The following NSD3 variants were observed in gnomAD, a reference collection of about 807,000 sequenced individuals.
NSD3 encodes histone-lysine N-methyltransferase NSD3.
A neutral mutation model predicts 160.8 loss-of-function variants in NSD3; 24 were observed. That is an observed-to-expected ratio of 0.15 (90% CI 0.11 to 0.21). The LOEUF is 0.21. Ranked by LOEUF, NSD3 falls within the 10% of genes least tolerant of loss-of-function variation. The pLI is 1.00. For synonymous variants in NSD3, 520 were observed against 600.0 expected, an observed-to-expected ratio of 0.87 and a Z score of 1.95; for missense variants, 1,157 against 1,735.9, an observed-to-expected ratio of 0.67 and a Z score of 5.93.
At chr8:38,297,314 G>A (rs1809174945) in intron 15 of NSD3, among the ~76,000 whole-genome samples, 1 of 152,172 alleles carries the variant, frequency 6.6e-6, no homozygotes, top group South Asian at 2.1e-4. Flanking sequence ...GAAATTCTGG[G>A]AGGAAATTAG....
chr8:38,314,737 C>G lies in NSD3; in HGVS notation c.2152G>C (p.Glu718Gln). 1 of 1,614,178 alleles carries G rather than the reference C, an allele frequency of 6.2e-7. No homozygotes were observed. The highest frequency in any genetic ancestry group is 8.5e-7 in the Non-Finnish European group (1 of 1,180,022). The change falls in exon 12 of 24, where the codon GAG becomes CAG. Residue 718 changes from glutamate to glutamine, a missense_variant. Physicochemically the swap from Glu to Gln is conservative, Grantham distance 29. Around this residue, in one of 10 missense-constraint regions of NSD3, gnomAD observed 437 missense variants for 576.6 expected, o/e 0.76. Coordinates refer to ENST00000317025, the MANE Select transcript of NSD3 (RefSeq NM_023034.2). Reference protein sequence around the residue: ...ESSGDSLIPCEGECCKHFHLE... With the variant: ...ESSGDSLIPCQGECCKHFHLE... ...TGAAAGTGTTTGCAGCACTCTCCCT[C>G]ACAAGGAATCAGAGAGTCACCAGAG...
Position 38,326,817 on chromosome 8 carries a change from C to T in NSD3, c.1621G>A (p.Asp541Asn), listed in dbSNP as rs1232441188. ...NKTEISVRGQDRLIISTPNQR... is the reference protein window; with the variant it reads ...NKTEISVRGQNRLIISTPNQR... ...TTTGGTGTAGAAATTATAAGCCTGT[C>T]TTGCCCCCTGACACTTATTTCTGTT... Residue 541 changes from aspartate to asparagine, a missense_variant, in exon 7 of 24, where the codon GAC becomes AAC. Asp to Asn is a conservative substitution (Grantham distance 23). Coordinates refer to ENST00000317025, the MANE Select transcript of NSD3 (RefSeq NM_023034.2). 6.2e-6 allele frequency: 10 copies of T among 1,613,868 alleles called. No homozygotes were observed. Among genetic ancestry groups the T allele is most frequent in the Non-Finnish European group, 7.6e-6 (9 of 1,179,968 alleles).
chr8:38,323,639 G>A (rs552971348), intron 7 of NSD3, among the ~76,000 whole-genome samples: 1 of 151,898 alleles, frequency 6.6e-6, no homozygotes, highest in Admixed American at 6.6e-5. Context: ...GGAACAAGGT[G>A]AGACACTCAT....
chr8:38,290,611 G>A lies in NSD3; in HGVS notation c.2982C>T (p.Asp994=). The A allele has an allele frequency of 6.2e-7, 1 of 1,614,040 alleles. No homozygotes were observed. Among genetic ancestry groups the A allele is most frequent in the Non-Finnish European group, 8.5e-7 (1 of 1,179,932 alleles). The stretch of plus-strand genomic sequence containing the variant: ...AGAAGAATACAGGGAAGTCCCCCAA[G>A]TCATGTTTAAGGCCCTGGATGTTCA... ...VPLNIQGLKH[D]LGDFPVFFFG... The change falls in exon 17 of 24, where the codon GAC becomes GAT. Residue 994 remains aspartate (D), a synonymous_variant. Transcript: ENST00000317025.
At chr8:38,278,128 T>G (rs190123851) in intron 22 of NSD3, among the ~76,000 whole-genome samples, 178 bp downstream of exon 22, 2 of 151,948 alleles carry the variant, frequency 1.3e-5, no homozygotes, top group Non-Finnish European at 2.9e-5. Flanking sequence ...TTAGTAGAGA[T>G]GGGGTTTCAC....
intron 1 of NSD3, among the ~76,000 whole-genome samples, chr8:38,365,928 T>A (rs1215123078): frequency 6.6e-6 from 1 of 152,092 alleles, no homozygotes; most frequent in Non-Finnish European, 1.5e-5. Context: ...ACTCAAGTAT[T>A]CCATGTAGTA....
Position 38,299,561 on chromosome 8 carries a change from T to C in NSD3, c.2641A>G (p.Met881Val), listed in dbSNP as rs1177753871. The change falls in exon 15 of 24, where the codon ATG becomes GTG. Residue 881 changes from methionine (M) to valine (V), a missense_variant. Met to Val is a conservative substitution (Grantham distance 21, BLOSUM62 1). Coordinates refer to ENST00000317025, the MANE Select transcript of NSD3 (RefSeq NM_023034.2). ...GACTTATAGGCATATGAACTGAACATGGGGTCTGAATGGTCCTGAACTATC... is the reference window on the plus strand; with the variant it reads ...GACTTATAGGCATATGAACTGAACACGGGGTCTGAATGGTCCTGAACTATC... ...GLIVQDHSDP[M>V]FSSYAYKSHY... 1.9e-6 allele frequency: 3 copies of C among 1,612,900 alleles called. No homozygotes were observed. Among genetic ancestry groups the C allele is most frequent in the Non-Finnish European group, 2.5e-6 (3 of 1,179,512 alleles).
In NSD3 at chr8:38,298,672, T is replaced by C. The variant is rs887145187; in HGVS notation, c.2758+772A>G. 5.9e-5 allele frequency among the ~76,000 whole-genome samples: 9 copies of C among 152,328 alleles called. 1 individual carries two copies. The highest frequency in any genetic ancestry group is 2.0e-4 in the Admixed American group (3 of 15,304). ...CCTCACCTTTCAAGCTCATTTATTTTTCCCAGTGGGATAATAACTCCCCAA... is the reference window on the plus strand; with the variant it reads ...CCTCACCTTTCAAGCTCATTTATTTCTCCCAGTGGGATAATAACTCCCCAA... On this transcript the variant is annotated intron_variant, in intron 15 of 23. Transcript: ENST00000317025.
chr8:38,296,674 C>CTGTG (rs57485296), intron 15 of NSD3, among the ~76,000 whole-genome samples: 10,744 of 142,144 alleles, frequency 0.076, 405 homozygotes, highest in South Asian at 0.12. Flanking sequence ...CTCTCTCCCT[C>CTGTG]TGTGTGTGTG....
chr8:38,344,355 T>G (rs1325616823), intron 2 of NSD3, among the ~76,000 whole-genome samples: 1 of 152,164 alleles, frequency 6.6e-6, no homozygotes, highest in Non-Finnish European at 1.5e-5. Context: ...CACTGCAATC[T>G]CCACCTCCCA....
chr8:38,326,639 G>C, intron 7 of NSD3, 91 bp downstream of exon 7: 1 of 1,304,298 alleles, frequency 7.7e-7, no homozygotes, highest in South Asian at 2.5e-5. Context: ...TGATAACTAA[G>C]AGTTTCTTAG....
In NSD3 at chr8:38,316,985, CCA is replaced by C. The variant is rs1455399531; in HGVS notation, c.1856-945_1856-944del. The C allele has an allele frequency of 9.4e-7, 1 of 1,059,950 alleles. No individual in the cohort carries two copies. The highest frequency in any genetic ancestry group is 1.1e-6 in the Non-Finnish European group (1 of 876,006). The allele number at this position is 1,059,950 out of a possible 1,614,324, so 65.7% of individuals were successfully genotyped here. A position where few individuals can be genotyped will look rare whatever the true frequency, so the allele number is the denominator to read the frequency against. On this transcript the variant is annotated intron_variant, in intron 9 of 23. Coordinates refer to ENST00000317025, the MANE Select transcript of NSD3 (RefSeq NM_023034.2). This position sits in a 1 kb window ranked among gnomAD's most constrained non-coding sequence, Gnocchi z 4.5. ...CCAAGGAGACGGTTAATATTTCAAC[CCA>C]CAGTTTGTGTTTTGGATTTTTTCCC...
chr8:38,304,559 T>A (rs767658867), intron 14 of NSD3, 28 bp downstream of exon 14: 1 of 1,590,518 alleles, frequency 6.3e-7, no homozygotes, highest in Non-Finnish European at 8.5e-7. Context: ...ACCTCAAAAA[T>A]AAATGAAGAG....
intron 7 of NSD3, among the ~76,000 whole-genome samples, chr8:38,325,504 A>AT (rs972739303): frequency 2.0e-5 from 3 of 152,224 alleles, no homozygotes; most frequent in African/African-American, 7.2e-5. Context: ...TACTACTAAT[A>AT]TAATACTGTT....
intron 2 of NSD3, among the ~76,000 whole-genome samples, chr8:38,340,289 G>T (rs1173093171): frequency 1.3e-5 from 2 of 152,144 alleles, no homozygotes; most frequent in Admixed American, 1.3e-4. Flanking sequence ...AACATTTAAA[G>T]ACACTGTTGT....
intron 1 of NSD3, chr8:38,363,952 T>A (rs1325388551): frequency 1.3e-5 from 2 of 151,990 alleles, no homozygotes; most frequent in African/African-American, 4.8e-5. Context: ...AGATTTGGTG[T>A]ACCCAAAATA....
At chr8:38,313,250 T>C (rs1809576073) in intron 12 of NSD3, among the ~76,000 whole-genome samples, 1 of 152,114 alleles carries the variant, frequency 6.6e-6, no homozygotes, top group Admixed American at 6.6e-5. Context: ...TATTGGGATA[T>C]ATGACATATG....
intron 1 of NSD3, among the ~76,000 whole-genome samples, chr8:38,362,575 A>AGT (rs1811002333): frequency 1.3e-5 from 2 of 152,212 alleles, no homozygotes; most frequent in Non-Finnish European, 2.9e-5. Context: ...TCAAAATACG[A>AGT]GTGTAAGTAC....
Position 38,288,467 on chromosome 8 carries a change from C to G in NSD3, c.3501+20G>C. ...GCCAGGTTCTGGTCTCTTCCACCCC[C>G]CACCACCATCCCATGCTACCTTCTT... On this transcript the variant is annotated intron_variant, in intron 19 of 23. Transcript: ENST00000317025. The surrounding 1 kb of genome is among the most constrained non-coding windows in gnomAD (Gnocchi z 4.5). The G allele has an allele frequency of 6.2e-7, 1 of 1,611,254 alleles. No homozygotes were observed. Among genetic ancestry groups the G allele is most frequent in the East Asian group, 2.2e-5 (1 of 44,826 alleles).
Sources: allele counts gnomAD v4.1 joint callset (sites outside exome capture counted in the v4.1 genomes callset), GRCh38; gene constraint gnomAD v4.1.1; regional missense constraint gnomAD v4.1.1; non-coding constraint Gnocchi (gnomAD v3.1); transcripts MANE v1.5; gene names NCBI Gene and HGNC (gene_info 2026-07-23, HGNC 2026-07-21).